MFSD11: variants seen among roughly 807,000 people sequenced by gnomAD.
The protein encoded by MFSD11 is major facilitator superfamily domain containing 11.
MFSD11 carries 36 observed loss-of-function variants against 53.5 expected under a neutral mutation model. That is an observed-to-expected ratio of 0.67 (90% CI 0.52 to 0.89). The LOEUF (loss-of-function observed/expected upper bound fraction) is 0.89, where lower values mean the gene tolerates loss of function less well. Ranked by LOEUF, MFSD11 falls within the 40% of genes least tolerant of loss-of-function variation. The pLI, the probability that MFSD11 is intolerant of heterozygous loss-of-function variation, is 0.00. For synonymous variants in MFSD11, 186 were observed against 184.9 expected, an observed-to-expected ratio of 1.01 and a Z score of -0.05; for missense variants, 530 against 543.9, an observed-to-expected ratio of 0.97 and a Z score of 0.25.
the MFSD11 span, among the ~76,000 whole-genome samples, chr17:76,800,210 C>A: frequency 6.6e-6 from 1 of 152,184 alleles, no homozygotes. Context: ...CTGCCTCGGC[C>A]TCCCAAAGTG....
At chr17:76,756,729 G>A (rs919015137) in intron 8 of MFSD11, among the ~76,000 whole-genome samples, 3 of 152,090 alleles carry the variant, frequency 2.0e-5, no homozygotes, top group African/African-American at 4.8e-5. Context: ...GCATGGTGGC[G>A]GATGCCTGTA....
chr17:76,736,729 C>G (rs2077515169), upstream of MFSD11: 3 of 1,378,976 alleles, frequency 2.2e-6, no homozygotes, highest in Middle Eastern at 2.7e-4. Context: ...TCGCCGCGGA[C>G]CTTTGTGAGG....
intron 8 of MFSD11, chr17:76,754,350 GA>G: frequency 2.4e-6 from 1 of 412,308 alleles, no homozygotes; most frequent in Non-Finnish European, 4.4e-6. Context: ...GGTTCTCCCT[GA>G]AGTTGAGAGT....
intron 7 of MFSD11, among the ~76,000 whole-genome samples, chr17:76,749,460 C>A (rs140306514): frequency 6.6e-6 from 1 of 150,850 alleles, no homozygotes; most frequent in Non-Finnish European, 1.5e-5. Context: ...GCCCAGGACG[C>A]GGAGGTTGCA....
upstream of MFSD11, chr17:76,736,730 C>T (rs762750742): frequency 7.2e-7 from 1 of 1,380,784 alleles, no homozygotes; most frequent in Non-Finnish European, 9.3e-7. Context: ...CGCCGCGGAC[C>T]TTTGTGAGGT....
chr17:76,791,563 G>T, the MFSD11 span, among the ~76,000 whole-genome samples: 6 of 149,032 alleles, frequency 4.0e-5, 1 homozygote, highest in African/African-American at 1.5e-4. Context: ...ACTTCTTTGT[G>T]GTTGGCGCGC....
intron 7 of MFSD11, among the ~76,000 whole-genome samples, chr17:76,753,174 GGTTCTC>G (rs2079212320): frequency 6.6e-6 from 1 of 152,058 alleles, no homozygotes; most frequent in South Asian, 2.1e-4. Context: ...AAAGTCTCTT[GGTTCTC>G]GATACCCAAA....
Position 76,776,626 on chromosome 17 carries a change from G to T in MFSD11, c.1185+85G>T. The T allele has an allele frequency of 7.9e-7, 1 of 1,272,168 alleles. No individual in the cohort carries two copies. The highest frequency in any genetic ancestry group is 1.1e-6 in the Non-Finnish European group (1 of 947,602). The allele number at this position is 1,272,168 out of a possible 1,614,324, so 78.8% of individuals were successfully genotyped here. A position where few individuals can be genotyped will look rare whatever the true frequency, so the allele number is the denominator to read the frequency against. On this transcript the variant is annotated intron_variant, in intron 12 of 12. Transcript: ENST00000685175. The surrounding 1 kb of genome is among the most constrained non-coding windows in gnomAD (Gnocchi z 4.2). The stretch of plus-strand genomic sequence containing the variant: ...TGTTTTCCTTGGTTACTTGTATTGT[G>T]GTTTTAATTTTTATTTATTTATTTT...
At chr17:76,741,183 C>T (rs572157658) in intron 3 of MFSD11, 119 bp downstream of exon 3, 118 of 686,408 alleles carry the variant, frequency 1.7e-4, no homozygotes, top group African/African-American at 1.7e-3. Context: ...TGGTATTTTA[C>T]GAATTTTGGC....
downstream of MFSD11, among the ~76,000 whole-genome samples, chr17:76,783,904 C>A (rs1384750725): frequency 6.6e-6 from 1 of 151,596 alleles, no homozygotes; most frequent in African/African-American, 2.4e-5. Context: ...AAATAAGTCC[C>A]CATTAATAGT....
chr17:76,754,157 C>A, intron 8 of MFSD11, 70 bp downstream of exon 8: 1 of 1,327,150 alleles, frequency 7.5e-7, no homozygotes, highest in Non-Finnish European at 1.1e-6. Flanking sequence ...TTCCCCTATT[C>A]CCTGGTAACT....
intron 8 of MFSD11, among the ~76,000 whole-genome samples, chr17:76,766,842 A>T (rs1056603997): frequency 1.3e-5 from 2 of 152,254 alleles, no homozygotes; most frequent in African/African-American, 4.8e-5. Flanking sequence ...CAACTAAATA[A>T]ACAGTGTAAA....
chr17:76,738,360 C>T lies in MFSD11; in HGVS notation c.8C>T (p.Pro3Leu). MS[P>L]ESKKLFNIII... The stretch of plus-strand genomic sequence containing the variant: ...CGGCAGAGCTGAGCCAAAATGTCCC[C>T]GGAATCTAAAAAGCTTTTCAACATC... Residue 3 changes from proline (P) to leucine (L), a missense_variant, in exon 1 of 13, where the codon CCG (proline) becomes CTG (leucine). Coordinates refer to ENST00000685175, the MANE Select transcript of MFSD11 (RefSeq NM_001242532.5). 6.2e-7 allele frequency: 1 copy of T among 1,613,888 alleles called. No individual in the cohort carries two copies. Among genetic ancestry groups the T allele is most frequent in the Non-Finnish European group, 8.5e-7 (1 of 1,179,772 alleles).
At chr17:76,772,198 A>T (rs1400424913) in intron 10 of MFSD11, among the ~76,000 whole-genome samples, 1 of 152,102 alleles carries the variant, frequency 6.6e-6, no homozygotes, top group Non-Finnish European at 1.5e-5. Flanking sequence ...AGGTGGGCAG[A>T]TCGCTTGAGT....
At chr17:76,758,351 G>A (rs1243950437) in intron 8 of MFSD11, among the ~76,000 whole-genome samples, 1 of 152,142 alleles carries the variant, frequency 6.6e-6, no homozygotes, top group Admixed American at 6.6e-5. Flanking sequence ...AAGCCAAGGT[G>A]ATGGGGGGAT....
chr17:76,767,362 A>T, intron 8 of MFSD11, 24 bp from the exon 9 acceptor site: 1 of 1,424,810 alleles, frequency 7.0e-7, no homozygotes. Context: ...CTAATTAAGT[A>T]CTCTTAAATT....
the MFSD11 span, among the ~76,000 whole-genome samples, chr17:76,789,264 T>G: frequency 6.7e-6 from 1 of 150,270 alleles, no homozygotes. Flanking sequence ...GCTTGGGGTT[T>G]TATACATTGG....
downstream of MFSD11, among the ~76,000 whole-genome samples, chr17:76,786,302 GC>G (rs374908937): frequency 0.02 from 3,034 of 151,806 alleles, 54 homozygotes; most frequent in Non-Finnish European, 0.029. Context: ...GCACCACCAT[GC>G]CCTGCTAATT....
intron 2 of MFSD11, among the ~76,000 whole-genome samples, chr17:76,740,219 A>G (rs1332600825): frequency 2.0e-5 from 3 of 151,658 alleles, no homozygotes; most frequent in African/African-American, 7.3e-5. Context: ...CACATTTGAT[A>G]TTTGAGAGAT....
Sources: gnomAD v4.1 joint callset for allele counts (sites outside exome capture counted in the v4.1 genomes callset) on GRCh38, gnomAD v4.1.1 for gene constraint, Gnocchi (gnomAD v3.1) non-coding constraint, MANE v1.5 for transcripts, NCBI Gene and HGNC (gene_info 2026-07-23, HGNC 2026-07-21) for gene names.